PKNOX2: variants seen among roughly 807,000 people sequenced by gnomAD.
PKNOX2 encodes the protein homeobox protein PKNOX2.
In PKNOX2, 14 loss-of-function variants were observed where a neutral mutation model predicts 53.1. That is an observed-to-expected ratio of 0.26 (90% CI 0.17 to 0.41). The LOEUF (loss-of-function observed/expected upper bound fraction) is 0.41. Among genes scored for constraint, PKNOX2 ranks in the 10% least tolerant of loss-of-function variants. PKNOX2 has a pLI of 1.00. For missense variants in PKNOX2, 496 were observed against 602.8 expected (o/e 0.82, Z 1.85); for synonymous variants, 257 against 242.8 (o/e 1.06, Z -0.54).
At chr11:125,401,632 G>A (rs988366403) in intron 7 of PKNOX2, among the ~76,000 whole-genome samples, 4 of 152,152 alleles carry the variant, frequency 2.6e-5, no homozygotes, top group Non-Finnish European at 5.9e-5. Context: ...GGTAGGGGCC[G>A]GGCTTGCATG....
At chr11:125,345,385 C>T (rs1950915355) in intron 3 of PKNOX2, among the ~76,000 whole-genome samples, 1 of 152,128 alleles carries the variant, frequency 6.6e-6, no homozygotes, top group Admixed American at 6.6e-5. Context: ...TCCTCTGCCA[C>T]CACAAATTGA....
At chr11:125,401,194 C>A (rs1221880752) in intron 7 of PKNOX2, among the ~76,000 whole-genome samples, 1 of 151,954 alleles carries the variant, frequency 6.6e-6, no homozygotes, top group Non-Finnish European at 1.5e-5. Flanking sequence ...CAGAGACAGG[C>A]TGAAGAATTG....
chr11:125,205,494 T>A (rs1187098828), intron 1 of PKNOX2, among the ~76,000 whole-genome samples: 1 of 152,254 alleles, frequency 6.6e-6, no homozygotes. Flanking sequence ...TCTGAATTCA[T>A]AATTGTAACT....
chr11:125,292,819 A>T (rs1947388114), intron 2 of PKNOX2, among the ~76,000 whole-genome samples: 1 of 152,164 alleles, frequency 6.6e-6, no homozygotes, highest in South Asian at 2.1e-4. Context: ...CCTAAAAGAG[A>T]GGAAGTACCA....
chr11:125,371,030 G>A (rs964683786), intron 5 of PKNOX2, among the ~76,000 whole-genome samples: 1 of 152,152 alleles, frequency 6.6e-6, no homozygotes, highest in Non-Finnish European at 1.5e-5. Context: ...GCCAGTGCCC[G>A]GGAGGTTTTA....
chr11:125,247,167 C>A (rs1393402102), intron 2 of PKNOX2, among the ~76,000 whole-genome samples: 1 of 152,194 alleles, frequency 6.6e-6, no homozygotes, highest in Non-Finnish European at 1.5e-5. Context: ...GAACCATCTG[C>A]CTTTCCCGGC....
At chr11:125,253,960 T>C (rs970315765) in intron 2 of PKNOX2, among the ~76,000 whole-genome samples, 7 of 152,116 alleles carry the variant, frequency 4.6e-5, no homozygotes, top group African/African-American at 1.7e-4. Flanking sequence ...GGATAAGTGC[T>C]CCTGCTGGGT....
rs1956221991 is a variant in PKNOX2, at chr11:125,422,530, G to T, written c.937-6482G>T. Among the ~76,000 whole-genome samples, 1 of 152,148 alleles carries T rather than the reference G, an allele frequency of 6.6e-6. No individual in the cohort carries two copies. The highest frequency in any genetic ancestry group is 2.4e-5 in the African/African-American group (1 of 41,424). ...CTGTCCCAGGGTGTGTGCCCTGCTG[G>T]CAATGTGTCCCCAGGGAAGGAAGAA... On this transcript the variant is annotated intron_variant, in intron 10 of 12. Coordinates refer to ENST00000298282, the MANE Select transcript of PKNOX2 (RefSeq NM_001382323.2). This position sits in a 1 kb window ranked among gnomAD's most constrained non-coding sequence, Gnocchi z 4.1.
At chr11:125,313,037 G>A (rs553649948) in intron 2 of PKNOX2, among the ~76,000 whole-genome samples, 10 of 152,202 alleles carry the variant, frequency 6.6e-5, no homozygotes, top group Non-Finnish European at 1.3e-4. Flanking sequence ...TCATGCTATC[G>A]CCTTCCACCG....
At chr11:125,274,305 T>C (rs917219446) in intron 2 of PKNOX2, among the ~76,000 whole-genome samples, 1 of 152,134 alleles carries the variant, frequency 6.6e-6, no homozygotes, top group African/African-American at 2.4e-5. Context: ...CAGAACCTTA[T>C]GGTCTCGGGA....
chr11:125,274,147 C>A (rs1229235935), intron 2 of PKNOX2, among the ~76,000 whole-genome samples: 1 of 152,122 alleles, frequency 6.6e-6, no homozygotes, highest in African/African-American at 2.4e-5. Flanking sequence ...ACTTTTATAC[C>A]AATGCTTTGA....
intron 10 of PKNOX2, among the ~76,000 whole-genome samples, chr11:125,421,294 C>A (rs1428370446): frequency 6.6e-6 from 1 of 152,160 alleles, no homozygotes; most frequent in Admixed American, 6.5e-5. Context: ...GGTTCTTTGA[C>A]AATCATCTTC....
At chr11:125,407,236 C>G (rs973678739) in intron 7 of PKNOX2, among the ~76,000 whole-genome samples, 1 of 152,144 alleles carries the variant, frequency 6.6e-6, no homozygotes, top group African/African-American at 2.4e-5. Context: ...CCCTTAGTTA[C>G]CCAAATTGGG....
At chr11:125,363,186 C>T (rs1952013652) in intron 4 of PKNOX2, among the ~76,000 whole-genome samples, 1 of 152,154 alleles carries the variant, frequency 6.6e-6, no homozygotes, top group Non-Finnish European at 1.5e-5. Context: ...TCTCAAAGCA[C>T]TGGGATTACA....
intron 2 of PKNOX2, among the ~76,000 whole-genome samples, chr11:125,287,013 C>T (rs2135884412): frequency 6.6e-6 from 1 of 152,358 alleles, no homozygotes; most frequent in South Asian, 2.1e-4. Flanking sequence ...CCTCCAGCTT[C>T]TGAGGTCTCT....
intron 1 of PKNOX2, among the ~76,000 whole-genome samples, chr11:125,211,546 G>A (rs78783297): frequency 0.021 from 3,197 of 152,236 alleles, 119 homozygotes; most frequent in African/African-American, 0.072. Context: ...CTGGCAGAGA[G>A]CGACTGGGGC....
intron 12 of PKNOX2, 103 bp from the exon 13 acceptor site, chr11:125,431,063 G>A (rs1458478125): frequency 6.8e-7 from 1 of 1,478,088 alleles, no homozygotes; most frequent in Non-Finnish European, 9.0e-7. Context: ...AAAACAAGGA[G>A]TTCACTGCTC....
intron 10 of PKNOX2, among the ~76,000 whole-genome samples, chr11:125,423,497 C>T (rs1170632871): frequency 6.6e-6 from 1 of 152,144 alleles, no homozygotes; most frequent in Non-Finnish European, 1.5e-5. Context: ...CTGCAGATGC[C>T]CACAGGAAAT....
rs11219951 is a variant in PKNOX2 at position 125,178,649 on chromosome 11, G to A, written c.-201+13873G>A. Among the ~76,000 whole-genome samples the A allele has an allele frequency of 2.4e-3, 121 of 51,478 alleles. 1 individual carries two copies. The highest frequency in any genetic ancestry group is 5.0e-3 in the East Asian group (6 of 1,194). The allele number at this position is 51,478 out of a possible 152,430, so 33.8% of individuals were successfully genotyped here. A position where few individuals can be genotyped will look rare whatever the true frequency, so the allele number is the denominator to read the frequency against. On this transcript the variant is annotated intron_variant, in intron 1 of 12. Coordinates refer to ENST00000298282, the MANE Select transcript of PKNOX2 (RefSeq NM_001382323.2). ...AAGAAAGAAAGAAAGAAAGAAAGAA[G>A]GAAGGAAGGAAGGAAGGAAGGAAAG...
Sources: allele counts gnomAD v4.1 joint callset (sites outside exome capture counted in the v4.1 genomes callset), GRCh38; gene constraint gnomAD v4.1.1; non-coding constraint Gnocchi (gnomAD v3.1); transcripts MANE v1.5; gene names NCBI Gene and HGNC (gene_info 2026-07-23, HGNC 2026-07-21).